Variants in FAM174B observed in about 807,000 individuals in gnomAD.
FAM174B encodes family with sequence similarity 174 member B.
A neutral mutation model predicts 10.9 loss-of-function variants in FAM174B; 12 were observed. The observed-to-expected ratio is 1.10, with a 90% CI of 0.71 to 1.79. FAM174B has a LOEUF of 1.79. Among genes scored for constraint, FAM174B ranks in the 40% most tolerant of loss-of-function variants. FAM174B has a pLI of 0.00. For synonymous variants in FAM174B, 132 were observed against 115.8 expected (o/e 1.14, Z -0.90); for missense variants, 266 against 233.3 (o/e 1.14, Z -0.91).
rs193005972 is a variant in FAM174B, at chr15:92,643,199, A to C, written c.344+12117T>G. Among the ~76,000 whole-genome samples, 15 of 151,934 alleles carry C rather than the reference A, an allele frequency of 9.9e-5. No homozygotes were observed. The South Asian group carries it at 3.1e-3, about 32-fold the overall frequency. ...GACCAGGCTGGTCCAAACTCCTGGCATCAAGCAATCCTCCCATCTTGGCCC... is the reference window on the plus strand; with the variant it reads ...GACCAGGCTGGTCCAAACTCCTGGCCTCAAGCAATCCTCCCATCTTGGCCC... On this transcript the variant is annotated intron_variant, in intron 1 of 2. Coordinates refer to ENST00000327355, the MANE Select transcript of FAM174B (RefSeq NM_207446.3).
rs1292787104 is a variant in FAM174B at position 92,619,429 on chromosome 15, G to C, written c.*27C>G. 1 of 1,613,770 alleles carries C rather than the reference G, an allele frequency of 6.2e-7. No individual in the cohort carries two copies. The highest frequency in any genetic ancestry group is 8.5e-7 in the Non-Finnish European group (1 of 1,179,840). On this transcript the variant is annotated 3_prime_UTR_variant, in exon 3 of 3. Coordinates refer to ENST00000327355, the MANE Select transcript of FAM174B (RefSeq NM_207446.3). Reference sequence around the variant, plus strand: ...GGTTGCAGCTGACCAACTTTCCACAGGATGCCACCAGGCTGGGAAACAGGT... The same window carrying C: ...GGTTGCAGCTGACCAACTTTCCACACGATGCCACCAGGCTGGGAAACAGGT...
intron 2 of FAM174B, among the ~76,000 whole-genome samples, chr15:92,626,406 AT>A (rs200850393): frequency 6.6e-6 from 1 of 152,066 alleles, no homozygotes; most frequent in Non-Finnish European, 1.5e-5. Flanking sequence ...CAGTTGCTGG[AT>A]TTTTTTTAAA....
At chr15:92,630,820 T>A (rs1213991096) in intron 1 of FAM174B, among the ~76,000 whole-genome samples, 1 of 33,106 alleles carries the variant, frequency 3.0e-5, no homozygotes, top group African/African-American at 6.4e-5. Flanking sequence ...TTTTATATAT[T>A]ACATATTATA....
chr15:92,648,811 C>T (rs907729092), intron 1 of FAM174B, among the ~76,000 whole-genome samples: 4 of 152,236 alleles, frequency 2.6e-5, no homozygotes, highest in Admixed American at 2.6e-4. Context: ...CTCCTCCCCG[C>T]ACCCTCAGGA....
intron 1 of FAM174B, chr15:92,653,020 A>T (rs1401917670): frequency 2.6e-5 from 4 of 152,274 alleles, no homozygotes; most frequent in Admixed American, 2.6e-4. Flanking sequence ...AACTTTCTCA[A>T]CTGCAAAGAA....
intron 2 of FAM174B, among the ~76,000 whole-genome samples, chr15:92,625,252 A>G (rs1390446726): frequency 6.6e-6 from 1 of 151,796 alleles, no homozygotes; most frequent in Non-Finnish European, 1.5e-5. Context: ...AAACTTCGAG[A>G]AAAAAAAGCC....
At chr15:92,632,654 T>G (rs1389467440) in intron 1 of FAM174B, among the ~76,000 whole-genome samples, 1 of 151,194 alleles carries the variant, frequency 6.6e-6, no homozygotes, top group Non-Finnish European at 1.5e-5. Flanking sequence ...GGACTACAGG[T>G]GCACACCACC....
chr15:92,647,856 G>A (rs1305651290), intron 1 of FAM174B, among the ~76,000 whole-genome samples: 1 of 152,000 alleles, frequency 6.6e-6, no homozygotes, highest in Non-Finnish European at 1.5e-5. Flanking sequence ...TAAAAGTCTG[G>A]CACCTTTTAA....
intron 1 of FAM174B, among the ~76,000 whole-genome samples, chr15:92,644,606 A>G (rs970244407): frequency 3.3e-5 from 5 of 152,106 alleles, no homozygotes; most frequent in African/African-American, 1.2e-4. Context: ...CCTCAGTTCC[A>G]GCACCCAGCA....
At chr15:92,632,116 C>G (rs1415435699) in intron 1 of FAM174B, among the ~76,000 whole-genome samples, 1 of 152,220 alleles carries the variant, frequency 6.6e-6, no homozygotes, top group Non-Finnish European at 1.5e-5. Context: ...GAATTAAATA[C>G]GCTACATCAT....
chr15:92,618,873 C>G lies in FAM174B; in HGVS notation c.*583G>C. On this transcript the variant is annotated 3_prime_UTR_variant, in exon 3 of 3. Coordinates refer to ENST00000327355, the MANE Select transcript of FAM174B (RefSeq NM_207446.3). ...AAAAAAAAGGAAGAAAGAAAAGGAG[C>G]CACAGACGTGTCCAGGTCTGGAAGG... The G allele has an allele frequency of 3.9e-6, 1 of 255,102 alleles. No homozygotes were observed. 15.8% of individuals were successfully genotyped at this position (255,102 alleles called of 1,614,324 possible).
rs751937647 is a variant in FAM174B, at chr15:92,655,360, G to A, written c.300C>T (p.Ala100=). 5.0e-6 allele frequency: 8 copies of A among 1,589,726 alleles called. No homozygotes were observed. Among genetic ancestry groups the A allele is most frequent in the African/African-American group, 2.8e-5 (2 of 72,332 alleles). The change falls in exon 1 of 3, where the codon GCC becomes GCT. Residue 100 remains alanine (A), a synonymous_variant. Transcript: ENST00000327355. ...TLKAAVIVAF[A]FTTLLIACLL... ...GGCAGGCGATGAGGAGGGTGGTAAA[G>A]GCGAACGCCACGATCACGGCTGCCT...
At chr15:92,626,987 G>A (rs1408854440) in intron 2 of FAM174B, 4 of 152,188 alleles carry the variant, frequency 2.6e-5, no homozygotes, top group Non-Finnish European at 5.9e-5. Context: ...GAGAGGCAGA[G>A]GTTGCAGTGA....
At chr15:92,623,481 T>C (rs1477206402) in intron 2 of FAM174B, among the ~76,000 whole-genome samples, 1 of 152,220 alleles carries the variant, frequency 6.6e-6, no homozygotes, top group Non-Finnish European at 1.5e-5. Flanking sequence ...CCCAGGCTTA[T>C]TCAGATTTCC....
At chr15:92,650,048 A>G (rs1596303601) in intron 1 of FAM174B, among the ~76,000 whole-genome samples, 1 of 152,330 alleles carries the variant, frequency 6.6e-6, no homozygotes, top group Non-Finnish European at 1.5e-5. Flanking sequence ...CCAAAACTCC[A>G]ATTTACTAAA....
At chr15:92,653,818 AG>A (rs1487140100) in intron 1 of FAM174B, among the ~76,000 whole-genome samples, 1 of 152,260 alleles carries the variant, frequency 6.6e-6, no homozygotes, top group Admixed American at 6.5e-5. Flanking sequence ...GCAAGTGACA[AG>A]GTACTAGGCT....
At chr15:92,641,739 C>T (rs1331095070) in intron 1 of FAM174B, among the ~76,000 whole-genome samples, 2 of 151,804 alleles carry the variant, frequency 1.3e-5, no homozygotes, top group Non-Finnish European at 2.9e-5. Flanking sequence ...TAAATCTTTG[C>T]GACACTAGAT....
At chr15:92,650,111 G>A (rs948723708) in intron 1 of FAM174B, among the ~76,000 whole-genome samples, 1 of 151,848 alleles carries the variant, frequency 6.6e-6, no homozygotes, top group Non-Finnish European at 1.5e-5. Flanking sequence ...ATTTTTAAAT[G>A]GTAACTTTCC....
chr15:92,624,672 C>G (rs2050741463), intron 2 of FAM174B, among the ~76,000 whole-genome samples: 2 of 152,238 alleles, frequency 1.3e-5, no homozygotes, highest in African/African-American at 4.8e-5. Context: ...AAAGGAAGCC[C>G]TACCCACAAG....
Sources: gnomAD v4.1 joint callset for allele counts (sites outside exome capture counted in the v4.1 genomes callset) on GRCh38, gnomAD v4.1.1 for gene constraint, MANE v1.5 for transcripts, NCBI Gene and HGNC (gene_info 2026-07-23, HGNC 2026-07-21) for gene names.